The following RIPOR2 variants were observed in gnomAD, a reference collection of about 807,000 sequenced individuals.
The protein encoded by RIPOR2 is RHO family interacting cell polarization regulator 2, also known as rho family-interacting cell polarization regulator 2.
A neutral mutation model predicts 114.5 loss-of-function variants in RIPOR2; 39 were observed. The ratio of observed to expected loss-of-function variants is 0.34; its 90% CI spans 0.26 to 0.44. The LOEUF (loss-of-function observed/expected upper bound fraction) is 0.44. Ranked by LOEUF, RIPOR2 falls within the 20% of genes least tolerant of loss-of-function variation. RIPOR2 has a pLI of 1.00. For missense variants in RIPOR2, 1,007 were observed against 1,255.1 expected (o/e 0.80, Z 2.99); for synonymous variants, 445 against 484.4 (o/e 0.92, Z 1.07).
chr6:24,983,773 A>AAAAAAAAAAAAAAAAC (rs1774411469), intron 1 of RIPOR2, among the ~76,000 whole-genome samples: 1 of 151,066 alleles, frequency 6.6e-6, no homozygotes, highest in African/African-American at 2.4e-5. Context: ...AAAAAAAAAA[A>AAAAAAAAAAAAAAAAC]AAAAAAAAGC....
intron 1 of RIPOR2, among the ~76,000 whole-genome samples, chr6:25,008,029 T>A (rs565700021): frequency 1.7e-4 from 26 of 152,298 alleles, no homozygotes; most frequent in African/African-American, 4.6e-4. Flanking sequence ...TTTTATTTTT[T>A]AAAAATATTT....
intron 13 of RIPOR2, among the ~76,000 whole-genome samples, chr6:24,842,191 G>C (rs1465403961): frequency 6.6e-6 from 1 of 152,152 alleles, no homozygotes; most frequent in African/African-American, 2.4e-5. Flanking sequence ...GGTGGAGACA[G>C]ATACATTCTG....
intron 1 of RIPOR2, chr6:25,023,977 G>A (rs936489711): frequency 2.7e-6 from 2 of 734,836 alleles, no homozygotes; most frequent in African/African-American, 1.7e-5. Context: ...GGGAGTGACC[G>A]GGATAGGAAT....
At chr6:24,904,603 G>A (rs1281127204) in intron 1 of RIPOR2, among the ~76,000 whole-genome samples, 1 of 152,190 alleles carries the variant, frequency 6.6e-6, no homozygotes, top group Non-Finnish European at 1.5e-5. Context: ...TTGGGGTGGT[G>A]GATGTGCATT....
At position 24,861,102 on chromosome 6, in the gene RIPOR2, G is replaced by A. The variant is rs531853238; in HGVS notation, c.652-66C>T. 74 of 1,086,654 alleles carry A rather than the reference G, an allele frequency of 6.8e-5. 1 individual carries two copies. Among genetic ancestry groups the A allele is most frequent in the South Asian group, 5.6e-4 (42 of 75,444 alleles). 67.3% of individuals were successfully genotyped at this position (1,086,654 alleles called of 1,614,324 possible). Reference sequence around the variant, plus strand: ...CACCCAACAGCTCAAAGCACACGACGTTCGAACAGCAGCACAACCACTGCG... The same window carrying A: ...CACCCAACAGCTCAAAGCACACGACATTCGAACAGCAGCACAACCACTGCG... On this transcript the variant is annotated intron_variant, in intron 7 of 21. Transcript: ENST00000643898.
chr6:25,018,162 C>T (rs1413015792), intron 1 of RIPOR2, among the ~76,000 whole-genome samples: 1 of 152,104 alleles, frequency 6.6e-6, no homozygotes, highest in Non-Finnish European at 1.5e-5. Flanking sequence ...AGCTGTAGAG[C>T]GGCGCCACCT....
chr6:25,033,169 G>A (rs145085583), intron 1 of RIPOR2, among the ~76,000 whole-genome samples: 20 of 151,580 alleles, frequency 1.3e-4, no homozygotes, highest in Non-Finnish European at 2.5e-4. Context: ...GAGCCGCGAC[G>A]GCGCCACACG....
chr6:24,822,873 G>C (rs965235776), intron 19 of RIPOR2, among the ~76,000 whole-genome samples: 2 of 152,166 alleles, frequency 1.3e-5, no homozygotes, highest in Admixed American at 6.6e-5. Flanking sequence ...ACTTTAGTTT[G>C]AGTGGTTGCC....
chr6:25,039,970 G>A (rs1301730451), intron 1 of RIPOR2, among the ~76,000 whole-genome samples: 1 of 152,156 alleles, frequency 6.6e-6, no homozygotes, highest in African/African-American at 2.4e-5. Context: ...TCCGAAACTA[G>A]TAGACTGTGA....
intron 1 of RIPOR2, among the ~76,000 whole-genome samples, chr6:25,008,674 A>G (rs1030089583): frequency 7.9e-5 from 12 of 152,210 alleles, no homozygotes; most frequent in Non-Finnish European, 1.3e-4. Flanking sequence ...ACAATAAGAG[A>G]TTTCAGATAT....
chr6:24,967,614 A>G (rs1004679339), intron 1 of RIPOR2, among the ~76,000 whole-genome samples: 4 of 152,202 alleles, frequency 2.6e-5, no homozygotes, highest in African/African-American at 9.7e-5. Flanking sequence ...TGTTTATAAC[A>G]TATAATTGGT....
chr6:24,891,341 A>C (rs1353667129), intron 1 of RIPOR2, among the ~76,000 whole-genome samples: 1 of 152,248 alleles, frequency 6.6e-6, no homozygotes, highest in Non-Finnish European at 1.5e-5. Context: ...TTTGGTTGCT[A>C]AAGACAAATA....
In RIPOR2 at chr6:24,806,179, C is replaced by G; in HGVS notation, c.*194G>C. 1.7e-6 allele frequency: 1 copy of G among 578,586 alleles called. No homozygotes were observed. The highest frequency in any genetic ancestry group is 2.2e-5 in the South Asian group (1 of 44,952). The allele number at this position is 578,586 out of a possible 1,614,324, so 35.8% of individuals were successfully genotyped here. ...GTTGCCCAGGTTGGTCTTGAACCTC[C>G]TGGGCTTAAGCAATTCTCCTGCGTT... On this transcript the variant is annotated 3_prime_UTR_variant, in exon 22 of 22. Transcript: ENST00000643898.
Position 24,875,790 on chromosome 6 carries a change from A to T in RIPOR2, c.89T>A (p.Met30Lys). 6.2e-7 allele frequency: 1 copy of T among 1,612,892 alleles called. No individual in the cohort carries two copies. Among genetic ancestry groups the T allele is most frequent in the South Asian group, 1.1e-5 (1 of 90,744 alleles). The change falls in exon 2 of 22, where the codon ATG becomes AAG. Residue 30 changes from methionine to lysine, a missense_variant. Met to Lys is a moderately conservative substitution (Grantham distance 95, BLOSUM62 -1). Coordinates refer to ENST00000643898, the MANE Select transcript of RIPOR2 (RefSeq NM_001286445.3). ...CGAAAAAGACTGGGATCCTACCAAC[A>T]TGATTTCCGGGAGTCTGGTCGGTAG... is the stretch of plus-strand genomic sequence containing the variant. ...EGLPTRLPEI[M>K]LVGSQSFSPG...
At chr6:24,852,445 G>C in intron 9 of RIPOR2, 130 bp downstream of exon 9, 1 of 732,814 alleles carries the variant, frequency 1.4e-6, no homozygotes, top group East Asian at 2.7e-5. Context: ...TTTCTCATTG[G>C]CTTAAAATGT....
chr6:24,961,813 G>C (rs1351026832), intron 1 of RIPOR2, among the ~76,000 whole-genome samples: 1 of 151,982 alleles, frequency 6.6e-6, no homozygotes, highest in Non-Finnish European at 1.5e-5. Context: ...TTTTAGTAGA[G>C]ATGGGGTTTT....
chr6:24,899,712 A>C (rs957845196), intron 1 of RIPOR2, among the ~76,000 whole-genome samples: 4 of 152,360 alleles, frequency 2.6e-5, no homozygotes, highest in Admixed American at 2.6e-4. Flanking sequence ...GGCACGGATC[A>C]GACAAAAGTC....
chr6:24,859,449 T>C (rs1763836558), intron 8 of RIPOR2, among the ~76,000 whole-genome samples: 1 of 152,018 alleles, frequency 6.6e-6, no homozygotes, highest in African/African-American at 2.4e-5. Context: ...AAAGTTAAAA[T>C]AAAAATTCCA....
In RIPOR2 at chr6:25,037,134, G is replaced by A. The variant is rs1469776197; in HGVS notation, c.76+4717C>T. Among the ~76,000 whole-genome samples, 1 of 152,144 alleles carries A rather than the reference G, an allele frequency of 6.6e-6. No homozygotes were observed. Among genetic ancestry groups the A allele is most frequent in the Non-Finnish European group, 1.5e-5 (1 of 68,040 alleles). Reference sequence around the variant, plus strand: ...CTTTTAATCCCCTCCAATAACAATGGGAGGTGGGTGTTACTGTAATAAGCA... The same window carrying A: ...CTTTTAATCCCCTCCAATAACAATGAGAGGTGGGTGTTACTGTAATAAGCA... On this transcript the variant is annotated intron_variant, in intron 1 of 13. Transcript: ENST00000510784. This position sits in a 1 kb window ranked among gnomAD's most constrained non-coding sequence, Gnocchi z 4.5.
Sources: allele counts gnomAD v4.1 joint callset (sites outside exome capture counted in the v4.1 genomes callset), GRCh38; gene constraint gnomAD v4.1.1; non-coding constraint Gnocchi (gnomAD v3.1); transcripts MANE v1.5; gene names NCBI Gene and HGNC (gene_info 2026-07-23, HGNC 2026-07-21).